Variants in PARD3 observed in about 807,000 individuals in gnomAD.
The protein encoded by PARD3 is partitioning defective 3 homolog.
A neutral mutation model predicts 155.4 loss-of-function variants in PARD3; 75 were observed. The ratio of observed to expected loss-of-function variants is 0.48; its 90% confidence interval spans 0.40 to 0.58. The LOEUF is 0.58. Among genes scored for constraint, PARD3 ranks in the 20% least tolerant of loss-of-function variants. PARD3 has a pLI of 0.00. For missense variants in PARD3, 1,642 were observed against 1,721.7 expected, an observed-to-expected ratio of 0.95 and a Z score of 0.82; for synonymous variants, 576 against 610.5, an observed-to-expected ratio of 0.94 and a Z score of 0.83.
chr10:34,297,821 C>T (rs530608906), intron 20 of PARD3, among the ~76,000 whole-genome samples: 103 of 152,340 alleles, frequency 6.8e-4, no homozygotes, highest in Admixed American at 1.4e-3. Flanking sequence ...AACATCCATT[C>T]TCTTCTTTCT....
intron 2 of PARD3, among the ~76,000 whole-genome samples, chr10:34,651,914 C>G (rs1011228498): frequency 1.3e-5 from 2 of 152,164 alleles, no homozygotes. Flanking sequence ...AGTGCAGTCA[C>G]TTCATTGCTT....
rs544175677 is a variant in PARD3 at position 34,741,513 on chromosome 10, G to A, written c.121-45094C>T. Among the ~76,000 whole-genome samples the A allele has an allele frequency of 3.3e-5, 5 of 152,144 alleles. No individual in the cohort carries two copies. In the South Asian group the frequency reaches 1.0e-3, roughly 32 times the overall value. On this transcript the variant is annotated intron_variant, in intron 1 of 24. Coordinates refer to ENST00000374788, the MANE Select transcript of PARD3 (RefSeq NM_001184785.2). ...TTTTATTTATAAAAAGAAAATTCTGGGTAAAGAAGAAAGGGAATATCTAAT... is the reference window on the plus strand; with the variant it reads ...TTTTATTTATAAAAAGAAAATTCTGAGTAAAGAAGAAAGGGAATATCTAAT...
At chr10:34,548,251 G>A (rs1426116047) in intron 2 of PARD3, among the ~76,000 whole-genome samples, 1 of 152,152 alleles carries the variant, frequency 6.6e-6, no homozygotes, top group African/African-American at 2.4e-5. Flanking sequence ...CACATTGGGA[G>A]GCTGAGGCAG....
chr10:34,748,502 A>T (rs757564585), intron 1 of PARD3, among the ~76,000 whole-genome samples: 1 of 151,876 alleles, frequency 6.6e-6, no homozygotes, highest in Non-Finnish European at 1.5e-5. Context: ...AAAAGAAAGG[A>T]AAGGAAGCTC....
intron 10 of PARD3, among the ~76,000 whole-genome samples, chr10:34,375,899 G>A (rs542324129): frequency 1.3e-5 from 2 of 152,122 alleles, no homozygotes; most frequent in African/African-American, 4.8e-5. Flanking sequence ...ATTGCAGACA[G>A]AAGGACTGAA....
chr10:34,273,545 C>T (rs1955733576), intron 21 of PARD3, among the ~76,000 whole-genome samples: 1 of 152,154 alleles, frequency 6.6e-6, no homozygotes, highest in South Asian at 2.1e-4. Context: ...AGTGGCTACA[C>T]TAATGTGCAC....
chr10:34,161,379 G>C (rs990708921), intron 22 of PARD3, among the ~76,000 whole-genome samples: 4 of 151,998 alleles, frequency 2.6e-5, no homozygotes, highest in Admixed American at 6.6e-5. Flanking sequence ...TATTTTAACA[G>C]TGTACAGTAA....
chr10:34,245,159 G>T (rs543944700), intron 22 of PARD3, among the ~76,000 whole-genome samples: 3 of 152,322 alleles, frequency 2.0e-5, no homozygotes, highest in East Asian at 3.9e-4. Context: ...AACTCTGTCA[G>T]ATCTGAGGAT....
chr10:34,228,168 C>A (rs1952723040), intron 22 of PARD3, among the ~76,000 whole-genome samples: 2 of 151,690 alleles, frequency 1.3e-5, no homozygotes, highest in Admixed American at 6.6e-5. Context: ...AACAGAAAAT[C>A]AAATACTGTA....
intron 2 of PARD3, among the ~76,000 whole-genome samples, chr10:34,665,172 G>A (rs1051971307): frequency 6.6e-6 from 1 of 152,204 alleles, no homozygotes; most frequent in East Asian, 1.9e-4. Flanking sequence ...TCCAGAACGT[G>A]TTTATTAAAA....
At chr10:34,430,963 T>C (rs530235524) in intron 5 of PARD3, among the ~76,000 whole-genome samples, 2 of 152,352 alleles carry the variant, frequency 1.3e-5, no homozygotes, top group South Asian at 4.1e-4. Context: ...TGATAAAAAC[T>C]GATTGGCGTT....
intron 10 of PARD3, 72 bp downstream of exon 10, chr10:34,377,895 T>C: frequency 8.2e-7 from 1 of 1,223,334 alleles, no homozygotes; most frequent in Non-Finnish European, 1.1e-6. Flanking sequence ...TATGAAAATG[T>C]TTTTAAAAGT....
chr10:34,138,363 C>G (rs190367916), intron 22 of PARD3, among the ~76,000 whole-genome samples: 15 of 152,226 alleles, frequency 9.9e-5, no homozygotes, highest in African/African-American at 3.6e-4. Context: ...AGGGTGATAC[C>G]TTTTGTCGAC....
intron 2 of PARD3, among the ~76,000 whole-genome samples, chr10:34,636,533 G>A (rs546840243): frequency 6.6e-5 from 10 of 152,322 alleles, no homozygotes; most frequent in South Asian, 2.1e-4. Context: ...GTGCTTCTGC[G>A]GGGTGGAGGC....
At chr10:34,290,249 TAA>T (rs1184094139) in intron 20 of PARD3, among the ~76,000 whole-genome samples, 2 of 152,170 alleles carry the variant, frequency 1.3e-5, no homozygotes, top group South Asian at 4.1e-4. Flanking sequence ...ACAGTGTTTT[TAA>T]AAAAGTCTTA....
intron 24 of PARD3, among the ~76,000 whole-genome samples, chr10:34,117,447 G>A (rs1396343720): frequency 6.6e-6 from 1 of 152,144 alleles, no homozygotes; most frequent in Non-Finnish European, 1.5e-5. Flanking sequence ...CAGTGGGGAG[G>A]GGGCAGGGGG....
At chr10:34,497,833 T>C (rs1280124260) in intron 3 of PARD3, among the ~76,000 whole-genome samples, 1 of 152,178 alleles carries the variant, frequency 6.6e-6, no homozygotes, top group Non-Finnish European at 1.5e-5. Flanking sequence ...ACAAATACTA[T>C]TGCAGTGTGA....
At chr10:34,707,104 G>A (rs1014399645) in intron 1 of PARD3, among the ~76,000 whole-genome samples, 1 of 152,008 alleles carries the variant, frequency 6.6e-6, no homozygotes, top group South Asian at 2.1e-4. Flanking sequence ...AAATTAGCCA[G>A]GTGTGGTAGT....
intron 1 of PARD3, among the ~76,000 whole-genome samples, chr10:34,789,438 C>T (rs2134233037): frequency 6.6e-6 from 1 of 152,240 alleles, no homozygotes; most frequent in South Asian, 2.1e-4. Flanking sequence ...TGACTCACAC[C>T]TGTAATCGAA....
Sources: allele counts gnomAD v4.1 joint callset (sites outside exome capture counted in the v4.1 genomes callset), GRCh38; gene constraint gnomAD v4.1.1; transcripts MANE v1.5; gene names NCBI Gene and HGNC (gene_info 2026-07-23, HGNC 2026-07-21).